CAPZB: variants seen among roughly 807,000 people sequenced by gnomAD.
CAPZB encodes capping actin protein of muscle Z-line subunit beta, also known as F-actin-capping protein subunit beta.
Under a neutral mutation model 38.1 loss-of-function variants are expected in CAPZB, and 2 were observed. The ratio of observed to expected loss-of-function variants is 0.05; its 90% CI spans 0.02 to 0.17. CAPZB has a LOEUF of 0.17. Among genes scored for constraint, CAPZB ranks in the 10% least tolerant of loss-of-function variants. The probability of loss-of-function intolerance (pLI) is 1.00; values close to 1 mark genes in which losing one functional copy is unlikely to be tolerated. For synonymous variants in CAPZB, 107 were observed against 127.4 expected, an observed-to-expected ratio of 0.84 and a Z score of 1.08; for missense variants, 161 against 334.2, an observed-to-expected ratio of 0.48 and a Z score of 4.04.
intron 1 of CAPZB, among the ~76,000 whole-genome samples, chr1:19,474,410 G>A (rs1434919066): frequency 6.6e-6 from 1 of 152,178 alleles, no homozygotes; most frequent in Non-Finnish European, 1.5e-5. Flanking sequence ...GTTCAAGCCC[G>A]CACAGTTCAT....
At chr1:19,425,676 T>C (rs1434056462) in intron 1 of CAPZB, among the ~76,000 whole-genome samples, 1 of 152,218 alleles carries the variant, frequency 6.6e-6, no homozygotes, top group Non-Finnish European at 1.5e-5. Flanking sequence ...AAAACCACCA[T>C]TAATACGGAC....
chr1:19,450,620 G>C (rs1294094885), intron 1 of CAPZB, among the ~76,000 whole-genome samples: 1 of 151,484 alleles, frequency 6.6e-6, no homozygotes, highest in Non-Finnish European at 1.5e-5. Flanking sequence ...TATCACACAG[G>C]TAATAAGTGG....
chr1:19,371,953 A>C (rs1466318678), intron 4 of CAPZB, among the ~76,000 whole-genome samples: 1 of 152,248 alleles, frequency 6.6e-6, no homozygotes, highest in Non-Finnish European at 1.5e-5. Flanking sequence ...GAGAGGGGAC[A>C]GGTGCTGGGG....
At chr1:19,374,076 TGCTAC>T (rs1484630231) in intron 4 of CAPZB, 3 of 152,232 alleles carry the variant, frequency 2.0e-5, no homozygotes, top group Admixed American at 2.0e-4. Flanking sequence ...TGCCTGTGGG[TGCTAC>T]GTCAGCCGAC....
intron 1 of CAPZB, among the ~76,000 whole-genome samples, chr1:19,421,456 G>A (rs913935047): frequency 5.3e-5 from 8 of 152,192 alleles, no homozygotes; most frequent in African/African-American, 1.7e-4. Flanking sequence ...AGTTCATCCT[G>A]GAACACACAA....
chr1:19,380,008 A>G (rs1287114515), intron 3 of CAPZB, among the ~76,000 whole-genome samples: 5 of 151,702 alleles, frequency 3.3e-5, no homozygotes, highest in African/African-American at 1.2e-4. Flanking sequence ...CATGTTAAGG[A>G]AAAAAAAAGT....
intron 2 of CAPZB, among the ~76,000 whole-genome samples, chr1:19,414,170 C>T (rs2094369284): frequency 6.6e-6 from 1 of 152,176 alleles, no homozygotes; most frequent in African/African-American, 2.4e-5. Flanking sequence ...AAGCACTCAG[C>T]CTTCTCATCT....
chr1:19,346,987 C>CTTTTTTTTTTT (rs1328235103), intron 6 of CAPZB, among the ~76,000 whole-genome samples: 2 of 149,172 alleles, frequency 1.3e-5, no homozygotes, highest in African/African-American at 2.5e-5. Flanking sequence ...CCACGTCCGG[C>CTTTTTTTTTTT]TTTTTTTTAT....
chr1:19,363,389 T>C lies in CAPZB; in HGVS notation c.330-5826A>G, dbSNP rs112748254. 6.5e-3 allele frequency among the ~76,000 whole-genome samples: 983 copies of C among 151,672 alleles called. 12 individuals are homozygous for C. Among genetic ancestry groups the C allele is most frequent in the African/African-American group, 0.022 (915 of 41,426 alleles). On this transcript the variant is annotated intron_variant, in intron 4 of 8. Transcript: ENST00000264202. ...TTTTGTCTATCGTCACCTTGGTCCC[T>C]AAACGTGGATCAGCTAAAAGCCTAA...
chr1:19,432,042 C>CAAAAAAAAAAAAAAAAAAAA (rs10583269), intron 1 of CAPZB, among the ~76,000 whole-genome samples: 3 of 122,562 alleles, frequency 2.4e-5, no homozygotes, highest in Non-Finnish European at 3.3e-5. Flanking sequence ...GATCCTGTCT[C>CAAAAAAAAAAAAAAAAAAAA]AAAAAAAAAA....
intron 1 of CAPZB, among the ~76,000 whole-genome samples, chr1:19,444,803 C>T (rs186255141): frequency 1.4e-4 from 21 of 152,234 alleles, no homozygotes; most frequent in Middle Eastern, 3.4e-3. Flanking sequence ...AGTGAAGTGG[C>T]GCAATCCTGG....
intron 1 of CAPZB, among the ~76,000 whole-genome samples, chr1:19,447,965 C>T (rs2094502160): frequency 6.6e-6 from 1 of 152,178 alleles, no homozygotes; most frequent in Non-Finnish European, 1.5e-5. Context: ...AATAAGCTTC[C>T]GTCAGTGTGA....
intron 8 of CAPZB, 94 bp downstream of exon 8, chr1:19,344,264 C>T: frequency 2.1e-6 from 2 of 945,324 alleles, no homozygotes; most frequent in Non-Finnish European, 3.5e-6. Context: ...CCAATGAGGA[C>T]ACCGAGGCCC....
In CAPZB at chr1:19,427,027, G is replaced by A. The variant is rs114325094; in HGVS notation, c.4-7277C>T. On this transcript the variant is annotated intron_variant, in intron 1 of 8. Coordinates refer to ENST00000264202, the MANE Select transcript of CAPZB (RefSeq NM_004930.5). Reference sequence around the variant, plus strand: ...TTAAGGTCACAACAGATAGGACGAGGTCAGTTACTGGAAATGGGAAGAAGC... The same window carrying A: ...TTAAGGTCACAACAGATAGGACGAGATCAGTTACTGGAAATGGGAAGAAGC... 7.1e-3 allele frequency among the ~76,000 whole-genome samples: 1,078 copies of A among 152,298 alleles called. 10 individuals are homozygous for A. Among genetic ancestry groups the A allele is most frequent in the African/African-American group, 0.024 (977 of 41,548 alleles).
chr1:19,383,094 C>T (rs1012286275), intron 3 of CAPZB, among the ~76,000 whole-genome samples: 1 of 106,830 alleles, frequency 9.4e-6, no homozygotes, highest in African/African-American at 3.8e-5. Flanking sequence ...GCCTGGGCAA[C>T]AAAATGAGGC....
chr1:19,343,382 C>T (rs1051058016), intron 8 of CAPZB, among the ~76,000 whole-genome samples: 6 of 152,210 alleles, frequency 3.9e-5, no homozygotes, highest in Non-Finnish European at 8.8e-5. Context: ...CTGCAGCCTG[C>T]CTCTCCTCTG....
chr1:19,449,199 A>G, intron 1 of CAPZB: 4 of 1,181,814 alleles, frequency 3.4e-6, no homozygotes, highest in Non-Finnish European at 4.2e-6. Context: ...CAGGCCTGAA[A>G]GGTCATGCTT....
At chr1:19,438,024 A>G (rs10158489) in intron 1 of CAPZB, among the ~76,000 whole-genome samples, 149,761 of 152,194 alleles carry the variant, frequency 0.98, 73,727 homozygotes, top group East Asian at 1. Flanking sequence ...TCAGCTTTCC[A>G]GTAGTGCCCC....
intron 2 of CAPZB, among the ~76,000 whole-genome samples, chr1:19,404,763 A>G (rs1487346636): frequency 2.0e-5 from 3 of 152,140 alleles, no homozygotes; most frequent in South Asian, 2.1e-4. Flanking sequence ...CTCAGCAATC[A>G]TGGGAAAGCA....
Sources: gnomAD v4.1 joint callset for allele counts (sites outside exome capture counted in the v4.1 genomes callset) on GRCh38, gnomAD v4.1.1 for gene constraint, MANE v1.5 for transcripts, NCBI Gene and HGNC (gene_info 2026-07-23, HGNC 2026-07-21) for gene names.